The following ANKRD13C variants were observed in gnomAD, a reference collection of about 807,000 sequenced individuals.
The protein encoded by ANKRD13C is ankyrin repeat domain-containing protein 13C.
Under a neutral mutation model 65.5 loss-of-function variants are expected in ANKRD13C, and 16 were observed. The observed-to-expected ratio is 0.24, with a 90% CI of 0.17 to 0.37. The LOEUF (loss-of-function observed/expected upper bound fraction) is 0.37, where lower values mean the gene tolerates loss of function less well. Among genes scored for constraint, ANKRD13C ranks in the 10% least tolerant of loss-of-function variants. The probability of loss-of-function intolerance (pLI) is 1.00; values close to 1 mark genes in which losing one functional copy is unlikely to be tolerated. For synonymous variants in ANKRD13C, 235 were observed against 238.7 expected (o/e 0.98, Z 0.14); for missense variants, 503 against 655.9 (o/e 0.77, Z 2.55).
intron 9 of ANKRD13C, among the ~76,000 whole-genome samples, chr1:70,280,454 T>C (rs569073096): frequency 6.6e-6 from 1 of 152,222 alleles, no homozygotes; most frequent in East Asian, 1.9e-4. Flanking sequence ...AGATTAGTAG[T>C]AAGAGAAAAG....
At chr1:70,270,795 G>A in intron 12 of ANKRD13C, 61 bp downstream of exon 12, 1 of 1,177,586 alleles carries the variant, frequency 8.5e-7, no homozygotes, top group Non-Finnish European at 1.2e-6. Context: ...CTTATTAAAT[G>A]TTAATAAACA....
At chr1:70,285,881 G>A (rs1012501395) in intron 9 of ANKRD13C, among the ~76,000 whole-genome samples, 8 of 151,876 alleles carry the variant, frequency 5.3e-5, no homozygotes, top group Non-Finnish European at 7.4e-5. Context: ...TGCCACCACC[G>A]TGCCGGCCAA....
rs940040715 is a variant in ANKRD13C, at chr1:70,272,515, C to T, written c.1395-1559G>A. Among the ~76,000 whole-genome samples, 11 of 152,084 alleles carry T rather than the reference C, an allele frequency of 7.2e-5. No individual in the cohort carries two copies. The South Asian group carries it at 2.3e-3, about 32-fold the overall frequency. ...GATAACAGGTGTGCACCACCATGTCCGGCTCCTTATTTCATTTTCTTTTTC... is the reference window on the plus strand; with the variant it reads ...GATAACAGGTGTGCACCACCATGTCTGGCTCCTTATTTCATTTTCTTTTTC... On this transcript the variant is annotated intron_variant, in intron 11 of 12. Coordinates refer to ENST00000370944, the MANE Select transcript of ANKRD13C (RefSeq NM_030816.5).
Position 70,260,215 on chromosome 1 carries a change from A to C in ANKRD13C, c.*2502T>G, listed in dbSNP as rs1225979499. On this transcript the variant is annotated 3_prime_UTR_variant, in exon 13 of 13. Coordinates refer to ENST00000370944, the MANE Select transcript of ANKRD13C (RefSeq NM_030816.5). ...TATACTCACAAAAATCAGGGCATCT[A>C]CTTCATACTACCCTTTTATGAAGTT... is the stretch of plus-strand genomic sequence containing the variant. 6.6e-6 allele frequency among the ~76,000 whole-genome samples: 1 copy of C among 152,130 alleles called. No homozygotes were observed. Among genetic ancestry groups the C allele is most frequent in the Non-Finnish European group, 1.5e-5 (1 of 67,992 alleles).
intron 1 of ANKRD13C, among the ~76,000 whole-genome samples, chr1:70,343,826 C>T (rs985486127): frequency 5.3e-5 from 8 of 152,206 alleles, no homozygotes; most frequent in African/African-American, 1.9e-4. Context: ...GCATGAGCCA[C>T]CGCACCAGGC....
chr1:70,323,231 G>A (rs936604893), intron 3 of ANKRD13C, among the ~76,000 whole-genome samples: 2 of 151,840 alleles, frequency 1.3e-5, no homozygotes, highest in Non-Finnish European at 2.9e-5. Context: ...CCTGATATTT[G>A]TCCAGAAAGG....
At chr1:70,315,910 T>C (rs1681052790) in intron 3 of ANKRD13C, among the ~76,000 whole-genome samples, 2 of 152,188 alleles carry the variant, frequency 1.3e-5, no homozygotes, top group South Asian at 2.1e-4. Context: ...AACATCAACC[T>C]ATACCATATT....
intron 6 of ANKRD13C, among the ~76,000 whole-genome samples, chr1:70,302,491 C>T (rs1301842100): frequency 9.0e-6 from 1 of 110,718 alleles, no homozygotes; most frequent in Non-Finnish European, 1.8e-5. Context: ...CTTTGGGAGG[C>T]CAAGGCGGGC....
At chr1:70,285,629 A>ATT (rs1679589592) in intron 9 of ANKRD13C, among the ~76,000 whole-genome samples, 1 of 144,254 alleles carries the variant, frequency 6.9e-6, no homozygotes, top group African/African-American at 2.6e-5. Flanking sequence ...AGAGTTAAAC[A>ATT]CTTTTTTTTT....
At chr1:70,296,355 AT>A in intron 7 of ANKRD13C, 94 bp from the exon 8 acceptor site, 1 of 1,236,792 alleles carries the variant, frequency 8.1e-7, no homozygotes. Flanking sequence ...AATGGTACCA[AT>A]TTTTAAAGAC....
chr1:70,321,886 C>T (rs962583815), intron 3 of ANKRD13C, among the ~76,000 whole-genome samples: 108 of 152,106 alleles, frequency 7.1e-4, no homozygotes, highest in African/African-American at 2.5e-3. Flanking sequence ...GAAATGGACA[C>T]AAAAATAGGT....
intron 1 of ANKRD13C, among the ~76,000 whole-genome samples, chr1:70,341,096 C>T (rs564717155): frequency 1.3e-4 from 20 of 152,182 alleles, no homozygotes; most frequent in African/African-American, 3.6e-4. Context: ...GGCGACAGAG[C>T]GAGACTCCAT....
intron 9 of ANKRD13C, among the ~76,000 whole-genome samples, chr1:70,281,914 C>A (rs1024129296): frequency 8.6e-5 from 13 of 150,838 alleles, no homozygotes; most frequent in Non-Finnish European, 1.3e-4. Flanking sequence ...GCAGGAGAAT[C>A]GCTTGAACCC....
chr1:70,293,466 A>C, intron 8 of ANKRD13C: 1 of 797,712 alleles, frequency 1.3e-6, no homozygotes, highest in Non-Finnish European at 1.5e-6. Flanking sequence ...TTCTACCTAC[A>C]AAATGGGAAC....
intron 7 of ANKRD13C, among the ~76,000 whole-genome samples, chr1:70,298,240 T>G (rs1303880258): frequency 6.6e-6 from 1 of 152,156 alleles, no homozygotes; most frequent in Non-Finnish European, 1.5e-5. Context: ...TGCCTTACAT[T>G]TCAAACATCC....
At chr1:70,279,270 C>A (rs184549006) in intron 9 of ANKRD13C, among the ~76,000 whole-genome samples, 25 of 152,136 alleles carry the variant, frequency 1.6e-4, no homozygotes, top group Admixed American at 1.4e-3. Context: ...TTTTTCTCTA[C>A]CCTCCGTTTT....
chr1:70,285,635 T>TA (rs1679591135), intron 9 of ANKRD13C, among the ~76,000 whole-genome samples: 1 of 150,204 alleles, frequency 6.7e-6, no homozygotes, highest in Admixed American at 6.6e-5. Flanking sequence ...AAACACTTTT[T>TA]TTTTTTTTTT....
intron 2 of ANKRD13C, among the ~76,000 whole-genome samples, chr1:70,329,460 G>A (rs2101561603): frequency 6.6e-6 from 1 of 152,004 alleles, no homozygotes; most frequent in African/African-American, 2.4e-5. Flanking sequence ...GGTGGAGGTT[G>A]TGATGAGCCA....
At chr1:70,349,602 A>G (rs1466820074) in intron 1 of ANKRD13C, among the ~76,000 whole-genome samples, 1 of 152,198 alleles carries the variant, frequency 6.6e-6, no homozygotes, top group South Asian at 2.1e-4. Context: ...AAATGCACAC[A>G]CACACCAAAA....
Sources: allele counts gnomAD v4.1 joint callset (sites outside exome capture counted in the v4.1 genomes callset), GRCh38; gene constraint gnomAD v4.1.1; transcripts MANE v1.5; gene names NCBI Gene and HGNC (gene_info 2026-07-23, HGNC 2026-07-21).